The following SHCBP1 variants were observed in gnomAD, a reference collection of about 807,000 sequenced individuals.
The protein encoded by SHCBP1 is SHC SH2 domain-binding protein 1.
A neutral mutation model predicts 75.1 loss-of-function variants in SHCBP1; 60 were observed. The ratio of observed to expected loss-of-function variants is 0.80; its 90% CI spans 0.65 to 0.99. The LOEUF (loss-of-function observed/expected upper bound fraction) is 0.99. Among genes scored for constraint, SHCBP1 ranks in the 50% least tolerant of loss-of-function variants. The probability of loss-of-function intolerance (pLI) is 0.00; values close to 1 mark genes in which losing one functional copy is unlikely to be tolerated. For synonymous variants in SHCBP1, 290 were observed against 293.2 expected, an observed-to-expected ratio of 0.99 and a Z score of 0.11; for missense variants, 709 against 809.4, an observed-to-expected ratio of 0.88 and a Z score of 1.50.
chr16:46,592,523 G>A (rs1047892356), intron 10 of SHCBP1, among the ~76,000 whole-genome samples: 1 of 152,036 alleles, frequency 6.6e-6, no homozygotes, highest in African/African-American at 2.4e-5. Context: ...TCAAACATCT[G>A]AAGAATAAAC....
chr16:46,588,359 CA>C (rs200150352), intron 10 of SHCBP1, among the ~76,000 whole-genome samples: 1 of 151,908 alleles, frequency 6.6e-6, no homozygotes, highest in Non-Finnish European at 1.5e-5. Context: ...AAAAACCCTT[CA>C]AAAAATCAAT....
Position 46,603,622 on chromosome 16 carries a change from A to G in SHCBP1, c.1130T>C (p.Phe377Ser). ...SDPLSAINAC[F>S]EGDTVIVCPG... The stretch of plus-strand genomic sequence containing the variant: ...ACAAACAATAACAGTGTCACCTTCG[A>G]AGCAGGCATTTATAGCAGACAATGG... The change falls in exon 8 of 13, where the codon TTC (phenylalanine) becomes TCC (serine). Residue 377 changes from phenylalanine (F) to serine (S), a missense_variant. Phe to Ser is a radical substitution (Grantham distance 155, BLOSUM62 -2). Coordinates refer to ENST00000303383, the MANE Select transcript of SHCBP1 (RefSeq NM_024745.5). 1 of 1,614,208 alleles carries G rather than the reference A, an allele frequency of 6.2e-7. No individual in the cohort carries two copies.
At chr16:46,617,919 T>C (rs1214673595) in intron 2 of SHCBP1, among the ~76,000 whole-genome samples, 170 bp from the exon 3 acceptor site, 3 of 152,214 alleles carry the variant, frequency 2.0e-5, no homozygotes, top group Non-Finnish European at 4.4e-5. Context: ...GGCTCATGCC[T>C]ATAATCCCAG....
intron 4 of SHCBP1, among the ~76,000 whole-genome samples, chr16:46,608,878 C>A (rs1965364853): frequency 6.6e-6 from 1 of 152,126 alleles, no homozygotes; most frequent in Non-Finnish European, 1.5e-5. Context: ...GGATTACAGG[C>A]ATGAGCCACC....
Position 46,621,112 on chromosome 16 carries a change from C to T in SHCBP1, c.103+145G>A, listed in dbSNP as rs528084501. 188 of 665,566 alleles carry T rather than the reference C, an allele frequency of 2.8e-4. 2 individuals are homozygous for T. The African/African-American group carries it at 3.2e-3, about 11-fold the overall frequency. The allele number at this position is 665,566 out of a possible 1,614,324, so 41.2% of individuals were successfully genotyped here. A position where few individuals can be genotyped will look rare whatever the true frequency, so the allele number is the denominator to read the frequency against. On this transcript the variant is annotated intron_variant, in intron 1 of 12. Transcript: ENST00000303383. Reference sequence around the variant, plus strand: ...GTACCGCCCGACTTTGAGGTCCCGTCACTGGGTCCCGGCCGCGCACCGCCG... The same window carrying T: ...GTACCGCCCGACTTTGAGGTCCCGTTACTGGGTCCCGGCCGCGCACCGCCG...
chr16:46,619,316 T>C (rs1302626900), intron 1 of SHCBP1, among the ~76,000 whole-genome samples: 4 of 152,182 alleles, frequency 2.6e-5, no homozygotes, highest in African/African-American at 9.6e-5. Flanking sequence ...TCAGGGAAGG[T>C]ATCTGAGCTG....
chr16:46,614,862 T>C (rs924847403), intron 4 of SHCBP1, among the ~76,000 whole-genome samples: 2 of 152,134 alleles, frequency 1.3e-5, no homozygotes, highest in Non-Finnish European at 2.9e-5. Flanking sequence ...AATCCCCTAC[T>C]TTTGTTAACA....
At chr16:46,601,581 C>T (rs1965237661) in intron 8 of SHCBP1, among the ~76,000 whole-genome samples, 1 of 152,064 alleles carries the variant, frequency 6.6e-6, no homozygotes, top group South Asian at 2.1e-4. Context: ...ACAAACAAGG[C>T]TTTGGGGGCC....
chr16:46,617,609 G>C (rs374586197), intron 3 of SHCBP1, 25 bp downstream of exon 3: 17 of 1,580,104 alleles, frequency 1.1e-5, no homozygotes, highest in African/African-American at 4.0e-5. Flanking sequence ...TAGAGACAAA[G>C]GTCTAATAAC....
rs1965523361 is a variant in SHCBP1 at position 46,617,694 on chromosome 16, G to A, written c.327C>T (p.Val109=). ...QEFTAEFLEK[V]LEPSGWRAVW... ...CTGCCCGCCATCCAGATGGCTCAAG[G>A]ACCTTCTCCAAGAACTCAGCTGTGA... The change falls in exon 3 of 13, where the codon GTC becomes GTT. Residue 109 remains valine, a synonymous_variant. Coordinates refer to ENST00000303383, the MANE Select transcript of SHCBP1 (RefSeq NM_024745.5). 2 of 1,613,404 alleles carry A rather than the reference G, an allele frequency of 1.2e-6. No individual in the cohort carries two copies. Among genetic ancestry groups the A allele is most frequent in the Non-Finnish European group, 1.7e-6 (2 of 1,180,008 alleles).
rs1417402433 is a variant in SHCBP1 at position 46,583,548 on chromosome 16, T to C, written c.1661A>G (p.Asp554Gly). 1 of 1,609,084 alleles carries C rather than the reference T, an allele frequency of 6.2e-7. No homozygotes were observed. The highest frequency in any genetic ancestry group is 8.5e-7 in the Non-Finnish European group (1 of 1,179,016). ...TCCATCTTCAGCATTTTCTTGCAGG[T>C]CAGAGAAGATTGTAGGTTTCACCAA... ...VVLVKPTIFS[D>G]LQENAEDGTE... The change falls in exon 12 of 13, where the codon GAC becomes GGC. Residue 554 changes from aspartate (D) to glycine (G), a missense_variant. Transcript: ENST00000303383.
At position 46,621,321 on chromosome 16, in the gene SHCBP1, T is replaced by C. The variant is rs571433925; in HGVS notation, c.39A>G (p.Ala13=). The change falls in exon 1 of 13, where the codon GCA becomes GCG. Residue 13 remains alanine, a synonymous_variant. Transcript: ENST00000303383. ...CCATGCGCTCCGGCGCCATGGCCGC[T>C]GCCTCCAGACCGCCGCCCGTCAGCG... The part of the protein sequence containing the change: ...DGSLTGGGLE[A]AAMAPERMGW... 39 of 1,611,562 alleles carry C rather than the reference T, an allele frequency of 2.4e-5. 2 individuals carry two copies. The South Asian group carries it at 4.1e-4, about 17-fold the overall frequency.
At chr16:46,607,387 T>A (rs1965341877) in intron 5 of SHCBP1, among the ~76,000 whole-genome samples, 1 of 152,216 alleles carries the variant, frequency 6.6e-6, no homozygotes, top group African/African-American at 2.4e-5. Context: ...GCCTCCCAAA[T>A]TACTGGGATT....
chr16:46,594,575 C>CA (rs1378046331), intron 10 of SHCBP1, among the ~76,000 whole-genome samples: 1 of 151,778 alleles, frequency 6.6e-6, no homozygotes. Context: ...ATGGCTAAAA[C>CA]AAAAAATAGT....
At chr16:46,613,020 A>G (rs1965444119) in intron 4 of SHCBP1, among the ~76,000 whole-genome samples, 1 of 151,944 alleles carries the variant, frequency 6.6e-6, no homozygotes, top group Non-Finnish European at 1.5e-5. Context: ...ATCTCCCACC[A>G]TTTGTTTTCT....
At chr16:46,609,981 G>C (rs986303083) in intron 4 of SHCBP1, among the ~76,000 whole-genome samples, 7 of 147,118 alleles carry the variant, frequency 4.8e-5, no homozygotes, top group African/African-American at 1.8e-4. Context: ...ATGGAGTTTT[G>C]CTCTTGTTGC....
chr16:46,581,928 T>C lies in SHCBP1; in HGVS notation c.1820A>G (p.Gln607Arg), dbSNP rs1204699990. Residue 607 changes from glutamine (Q) to arginine (R), a missense_variant, in exon 13 of 13, where the codon CAA (glutamine) becomes CGA (arginine). Physicochemically the swap from Gln to Arg is conservative, Grantham distance 43. Coordinates refer to ENST00000303383, the MANE Select transcript of SHCBP1 (RefSeq NM_024745.5). ...ELCARTDPSE[Q>R]VEGNCEIVNE... ...TACAATTTCACAATTTCCCTCGACT[T>C]GCTCAGAAGGGTCAGTTCTTGCACA... 1.2e-5 allele frequency: 19 copies of C among 1,614,188 alleles called. No individual in the cohort carries two copies. The highest frequency in any genetic ancestry group is 1.6e-5 in the Non-Finnish European group (19 of 1,180,028).
chr16:46,611,594 A>C (rs1291622907), intron 4 of SHCBP1, among the ~76,000 whole-genome samples: 1 of 152,262 alleles, frequency 6.6e-6, no homozygotes, highest in Non-Finnish European at 1.5e-5. Flanking sequence ...GTTTAAGATT[A>C]GAATTGTTTG....
chr16:46,586,561 G>C (rs553276899), intron 10 of SHCBP1, among the ~76,000 whole-genome samples: 3 of 152,270 alleles, frequency 2.0e-5, no homozygotes, highest in South Asian at 4.1e-4. Context: ...GTGACTAAAA[G>C]CTCCCAAATT....
Sources: gnomAD v4.1 joint callset for allele counts (sites outside exome capture counted in the v4.1 genomes callset) on GRCh38, gnomAD v4.1.1 for gene constraint, MANE v1.5 for transcripts, NCBI Gene and HGNC (gene_info 2026-07-23, HGNC 2026-07-21) for gene names.